FSHR: variants seen among roughly 807,000 people sequenced by gnomAD.
FSHR encodes the protein follicle-stimulating hormone receptor.
A neutral mutation model predicts 52.1 loss-of-function variants in FSHR; 46 were observed. That is an observed-to-expected ratio of 0.88 (90% confidence interval 0.70 to 1.13). The LOEUF (loss-of-function observed/expected upper bound fraction) is 1.13, where lower values mean the gene tolerates loss of function less well. Ranked by LOEUF, FSHR falls within the 50% of genes most tolerant of loss-of-function variation. FSHR has a pLI of 0.00. For missense variants in FSHR, 964 were observed against 834.6 expected (o/e 1.16, Z -1.91); for synonymous variants, 399 against 309.6 (o/e 1.29, Z -3.03).
chr2:49,068,537 G>A (rs575518669), intron 1 of FSHR, among the ~76,000 whole-genome samples: 2 of 152,072 alleles, frequency 1.3e-5, no homozygotes, highest in East Asian at 3.9e-4. Flanking sequence ...GGGTCACATG[G>A]CTGATACATG....
In FSHR at chr2:48,963,341, A is replaced by G; in HGVS notation, c.1480T>C (p.Trp494Arg). The change falls in exon 10 of 10, where the codon TGG becomes CGG. Residue 494 changes from tryptophan (W) to arginine (R), a missense_variant. Trp to Arg is a moderately radical substitution (Grantham distance 101). Coordinates refer to ENST00000406846, the MANE Select transcript of FSHR (RefSeq NM_000145.4). ...RHAASVMVMGWIFAFAAALFP... is the reference protein window; with the variant it reads ...RHAASVMVMGRIFAFAAALFP... ...AGGGCAGCTGCAAAAGCAAAAATCC[A>G]GCCCATCACCATGACACTGGCAGCA... 6.2e-6 allele frequency: 10 copies of G among 1,614,028 alleles called. No individual in the cohort carries two copies. The highest frequency in any genetic ancestry group is 8.5e-6 in the Non-Finnish European group (10 of 1,179,958).
At chr2:49,020,033 T>C in intron 3 of FSHR, 53 bp downstream of exon 3, 1 of 1,460,562 alleles carries the variant, frequency 6.8e-7, no homozygotes, top group Non-Finnish European at 9.6e-7. Flanking sequence ...AGAAGAACTT[T>C]AAGGGTTTTT....
rs185149453 is a variant in FSHR at position 49,138,817 on chromosome 2, A to C, written c.152+15449T>G. Among the ~76,000 whole-genome samples, 11 of 152,322 alleles carry C rather than the reference A, an allele frequency of 7.2e-5. No homozygotes were observed. The East Asian group carries it at 1.2e-3, about 16-fold the overall frequency. The stretch of plus-strand genomic sequence containing the variant: ...AAAAGCCATTCAAATGCACACTTCA[A>C]ATGAGAAGATTGTATTGTATGTGAG... On this transcript the variant is annotated intron_variant, in intron 1 of 9. Transcript: ENST00000406846.
Position 49,139,391 on chromosome 2 carries a change from TG to T in FSHR, c.152+14874del, listed in dbSNP as rs148535647. 9.7e-3 allele frequency among the ~76,000 whole-genome samples: 1,482 copies of T among 152,268 alleles called. 29 individuals carry two copies. Among genetic ancestry groups the T allele is most frequent in the African/African-American group, 0.034 (1,412 of 41,532 alleles). On this transcript the variant is annotated intron_variant, in intron 1 of 9. Transcript: ENST00000406846. ...ACTTATGAGTTATACAAAATTGGAC[TG>T]CCTCTGAGAGCCTTTATTATGTATA...
intron 3 of FSHR, among the ~76,000 whole-genome samples, chr2:49,018,037 TAAGG>T (rs1254593831): frequency 6.6e-6 from 1 of 151,128 alleles, no homozygotes. Context: ...GAAAAGAAGA[TAAGG>T]AAGGAAAAAG....
At chr2:49,137,626 A>T (rs1169305407) in intron 1 of FSHR, among the ~76,000 whole-genome samples, 1 of 152,156 alleles carries the variant, frequency 6.6e-6, no homozygotes, top group Non-Finnish European at 1.5e-5. Flanking sequence ...ATACTGACAC[A>T]AGGATAGATA....
At chr2:49,017,656 TCCCATCCA>T in intron 3 of FSHR, 93 bp from the exon 4 acceptor site, 1 of 874,552 alleles carries the variant, frequency 1.1e-6, no homozygotes, top group Non-Finnish European at 1.9e-6. Flanking sequence ...AAATCATTCA[TCCCATCCA>T]CTCATCCACC....
At chr2:49,145,650 A>T (rs1029325087) in intron 1 of FSHR, among the ~76,000 whole-genome samples, 2 of 152,124 alleles carry the variant, frequency 1.3e-5, no homozygotes, top group African/African-American at 2.4e-5. Flanking sequence ...TCTGAGAGAG[A>T]TACTGATAGT....
chr2:49,152,636 A>G (rs540415366), intron 1 of FSHR, among the ~76,000 whole-genome samples: 2 of 152,294 alleles, frequency 1.3e-5, no homozygotes, highest in South Asian at 2.1e-4. Flanking sequence ...AATCACCCTA[A>G]AATTAAAACT....
intron 1 of FSHR, among the ~76,000 whole-genome samples, chr2:49,151,889 T>C (rs969250825): frequency 6.6e-6 from 1 of 152,164 alleles, no homozygotes; most frequent in South Asian, 2.1e-4. Flanking sequence ...TGTAATTCAC[T>C]TGACATTTTA....
chr2:49,072,965 T>A (rs915998200), intron 1 of FSHR, among the ~76,000 whole-genome samples: 17 of 152,154 alleles, frequency 1.1e-4, no homozygotes, highest in African/African-American at 3.9e-4. Flanking sequence ...GATCTAGTTC[T>A]AATTAACAAA....
At chr2:49,120,005 C>T (rs1192809625) in intron 1 of FSHR, among the ~76,000 whole-genome samples, 1 of 152,192 alleles carries the variant, frequency 6.6e-6, no homozygotes, top group African/African-American at 2.4e-5. Context: ...CATCGTGGCT[C>T]ACACCTGTAA....
intron 2 of FSHR, among the ~76,000 whole-genome samples, chr2:49,050,438 C>T (rs1668812742): frequency 6.6e-6 from 1 of 152,186 alleles, no homozygotes; most frequent in South Asian, 2.1e-4. Context: ...TAGGCACAGA[C>T]ATCCTCTCCT....
chr2:49,012,754 A>C (rs1363768696), intron 4 of FSHR, among the ~76,000 whole-genome samples: 1 of 152,120 alleles, frequency 6.6e-6, no homozygotes, highest in African/African-American at 2.4e-5. Flanking sequence ...TTTCTCTTGA[A>C]GCAAGTAGTT....
In FSHR at chr2:48,975,979, C is replaced by G. The variant is rs181928187; in HGVS notation, c.668+6933G>C. 5.3e-5 allele frequency among the ~76,000 whole-genome samples: 8 copies of G among 152,278 alleles called. No homozygotes were observed. In the East Asian group the frequency reaches 1.5e-3, roughly 29 times the overall value. On this transcript the variant is annotated intron_variant, in intron 8 of 9. Coordinates refer to ENST00000406846, the MANE Select transcript of FSHR (RefSeq NM_000145.4). Reference sequence around the variant, plus strand: ...CTTCCTATTTGAATACCTTTTATTTCTTTCTCTTGCCTGATTGTCCTGGCC... The same window carrying G: ...CTTCCTATTTGAATACCTTTTATTTGTTTCTCTTGCCTGATTGTCCTGGCC...
chr2:49,114,545 T>G (rs1314240356), intron 1 of FSHR, among the ~76,000 whole-genome samples: 1 of 152,120 alleles, frequency 6.6e-6, no homozygotes, highest in Non-Finnish European at 1.5e-5. Context: ...TAACCTTGAG[T>G]AAGTGAACTA....
intron 4 of FSHR, among the ~76,000 whole-genome samples, chr2:49,016,229 T>A (rs1047936086): frequency 2.6e-5 from 4 of 152,216 alleles, no homozygotes; most frequent in Non-Finnish European, 5.9e-5. Context: ...AATGTTTAAA[T>A]ACTTTAAACT....
intron 1 of FSHR, among the ~76,000 whole-genome samples, chr2:49,073,930 CACTG>C (rs1261351547): frequency 5.9e-5 from 9 of 152,014 alleles, no homozygotes; most frequent in Non-Finnish European, 1.3e-4. Context: ...CAAGAACACT[CACTG>C]GGGAAAGGAC....
chr2:49,028,388 G>C (rs553496921), intron 2 of FSHR, among the ~76,000 whole-genome samples: 2 of 152,298 alleles, frequency 1.3e-5, no homozygotes, highest in East Asian at 1.9e-4. Flanking sequence ...CATCAACCTG[G>C]AAGCCAGACA....
Sources: gnomAD v4.1 joint callset for allele counts (sites outside exome capture counted in the v4.1 genomes callset) on GRCh38, gnomAD v4.1.1 for gene constraint, MANE v1.5 for transcripts, NCBI Gene and HGNC (gene_info 2026-07-23, HGNC 2026-07-21) for gene names.